Variants in FAAH2 observed in about 807,000 individuals in gnomAD.
The protein encoded by FAAH2 is fatty-acid amide hydrolase 2.
Under a neutral mutation model 36.9 loss-of-function variants are expected in FAAH2, and 60 were observed. That is an observed-to-expected ratio of 1.63 (90% CI 1.32 to 2.02). The LOEUF is 2.02. FAAH2 is among the 30% of genes most tolerant of loss of function. The pLI is 0.00. For missense variants in FAAH2, 689 were observed against 397.5 expected (o/e 1.73, Z -6.23); for synonymous variants, 214 against 143.8 (o/e 1.49, Z -3.49).
the FAAH2 span, among the ~76,000 whole-genome samples, chrX:57,206,730 A>G: frequency 8.9e-6 from 1 of 112,263 alleles, no homozygotes; most frequent in Non-Finnish European, 1.9e-5. Flanking sequence ...AATGACTATT[A>G]AAGGCCAATT....
intron 1 of FAAH2, 22 bp downstream of exon 1, chrX:57,287,039 G>C (rs776838962): frequency 1.8e-6 from 2 of 1,142,182 alleles, no homozygotes; most frequent in East Asian, 6.3e-5. Context: ...ATTCAGAAGA[G>C]GCTGGAGGGA....
chrX:57,263,385 C>T, the FAAH2 span, among the ~76,000 whole-genome samples: 1 of 111,409 alleles, frequency 9.0e-6, no homozygotes, highest in African/African-American at 3.2e-5. Flanking sequence ...GTAAATATAA[C>T]AAAACATGCA....
At chrX:57,214,068 CT>C in the FAAH2 span, among the ~76,000 whole-genome samples, 2 of 111,346 alleles carry the variant, frequency 1.8e-5, no homozygotes, top group African/African-American at 6.5e-5. Context: ...TGTTATTTGT[CT>C]TTTTTTACTG....
Position 57,287,009 on chromosome X carries a change from C to G in FAAH2, c.184C>G (p.Gln62Glu), listed in dbSNP as rs1218512743. The G allele has an allele frequency of 8.4e-7, 1 of 1,184,728 alleles. No individual in the cohort carries two copies. The highest frequency in any genetic ancestry group is 1.1e-6 in the Non-Finnish European group (1 of 880,124). ...SGMQLAKLIR[Q>E]RKVKCIDVVQ... is the part of the protein sequence containing the mutation. Reference sequence around the variant, plus strand: ...GATGCAGCTGGCCAAGCTGATCCGACAGAGAAAGGTGAGAATGCAATTCAG... The same window carrying G: ...GATGCAGCTGGCCAAGCTGATCCGAGAGAGAAAGGTGAGAATGCAATTCAG... The change falls in exon 1 of 11, where the codon CAG becomes GAG. Residue 62 changes from glutamine (Q) to glutamate (E), a missense_variant. Transcript: ENST00000374900.
chrX:57,437,880 T>C (rs1447906002), intron 8 of FAAH2, among the ~76,000 whole-genome samples: 1 of 103,444 alleles, frequency 9.7e-6, no homozygotes, highest in East Asian at 3.0e-4. Flanking sequence ...TGTATACATA[T>C]ATACATACGT....
intron 7 of FAAH2, among the ~76,000 whole-genome samples, chrX:57,423,720 C>T (rs2056092096): frequency 9.0e-6 from 1 of 111,361 alleles, no homozygotes; most frequent in South Asian, 3.8e-4. Context: ...CTTGTGCGTG[C>T]CATTGGGGAG....
chrX:57,381,440 T>A (rs983063133), intron 7 of FAAH2: 7 of 317,465 alleles, frequency 2.2e-5, no homozygotes, highest in Non-Finnish European at 2.9e-5. Flanking sequence ...CACAAATTTG[T>A]CTTTTTAAAA....
intron 2 of FAAH2, among the ~76,000 whole-genome samples, chrX:57,296,107 G>T (rs1038911453): frequency 8.9e-6 from 1 of 112,017 alleles, no homozygotes; most frequent in African/African-American, 3.2e-5. Context: ...GAGAGTAGTG[G>T]TTCTCCCAGC....
the FAAH2 span, among the ~76,000 whole-genome samples, chrX:57,249,330 A>C: frequency 8.9e-6 from 1 of 112,197 alleles, no homozygotes; most frequent in African/African-American, 3.2e-5. Flanking sequence ...ATGTGAAAAC[A>C]AAACCATTAA....
chrX:57,388,687 T>C (rs1386590832), intron 7 of FAAH2, among the ~76,000 whole-genome samples: 1 of 111,260 alleles, frequency 9.0e-6, no homozygotes, highest in Non-Finnish European at 1.9e-5. Flanking sequence ...CATAATGCCA[T>C]GTAACTATCA....
chrX:57,324,860 T>A (rs913973446), intron 3 of FAAH2, among the ~76,000 whole-genome samples: 3 of 111,829 alleles, frequency 2.7e-5, no homozygotes, highest in Admixed American at 1.9e-4. Flanking sequence ...GCCCTGGCCA[T>A]AACTTCCAAC....
chrX:57,441,643 T>G (rs1210068166), intron 8 of FAAH2, among the ~76,000 whole-genome samples: 1 of 110,704 alleles, frequency 9.0e-6, no homozygotes, highest in African/African-American at 3.3e-5. Flanking sequence ...TTTCTTGCAT[T>G]CTGTTAGCTT....
chrX:57,152,491 C>T, the FAAH2 span, among the ~76,000 whole-genome samples: 514 of 112,558 alleles, frequency 4.6e-3, 1 homozygote, highest in African/African-American at 0.015. Context: ...CCCCCAGCCT[C>T]GCTGCTGCCT....
At chrX:57,219,762 C>A in the FAAH2 span, among the ~76,000 whole-genome samples, 2 of 92,862 alleles carry the variant, frequency 2.2e-5, no homozygotes, top group Admixed American at 2.5e-4. Flanking sequence ...GGGAAACTCC[C>A]GGTCCTCTGT....
rs763763096 is a variant in FAAH2, at chrX:57,400,714, C to T, written c.996+19685C>T. ...CAGTGTAGGCTGAATGCATTTCTCA[C>T]TGAGGACCCTGGTGCCTTTGGATAA... On this transcript the variant is annotated intron_variant, in intron 7 of 10. Transcript: ENST00000374900. Among the ~76,000 whole-genome samples the T allele has an allele frequency of 4.1e-4, 46 of 112,582 alleles. 1 individual carries two copies. The South Asian group carries it at 0.016, about 40-fold the overall frequency.
At chrX:57,138,814 C>T in the FAAH2 span, among the ~76,000 whole-genome samples, 1 of 111,651 alleles carries the variant, frequency 9.0e-6, no homozygotes, top group Non-Finnish European at 1.9e-5. Context: ...TGATGATTAG[C>T]GATTTAGAAT....
In FAAH2 at chrX:57,349,235, A is replaced by G. The variant is rs886623334; in HGVS notation, c.742+7845A>G. ...TACATATATATGTGTATGTATGTATATATGTATGTATATCTGTGTGTATAT... is the reference window on the plus strand; with the variant it reads ...TACATATATATGTGTATGTATGTATGTATGTATGTATATCTGTGTGTATAT... On this transcript the variant is annotated intron_variant, in intron 5 of 10. Transcript: ENST00000374900. 4.2e-3 allele frequency among the ~76,000 whole-genome samples: 268 copies of G among 63,317 alleles called. 2 individuals are homozygous for G. Among genetic ancestry groups the G allele is most frequent in the African/African-American group, 0.01 (260 of 25,384 alleles). 55.0% of individuals were successfully genotyped at this position (63,317 alleles called of 115,157 possible).
chrX:57,136,929 C>CG, the FAAH2 span: 1 of 759,380 alleles, frequency 1.3e-6, no homozygotes, highest in Non-Finnish European at 1.8e-6. Flanking sequence ...CCCTGCAAAG[C>CG]GGCCTTGACC....
intron 2 of FAAH2, among the ~76,000 whole-genome samples, chrX:57,301,035 C>T (rs950600680): frequency 3.6e-5 from 4 of 110,360 alleles, no homozygotes; most frequent in African/African-American, 6.6e-5. Context: ...TAGTTCAACC[C>T]TTGTGGAAGT....
Sources: gnomAD v4.1 joint callset for allele counts (sites outside exome capture counted in the v4.1 genomes callset) on GRCh38, gnomAD v4.1.1 for gene constraint, MANE v1.5 for transcripts, NCBI Gene and HGNC (gene_info 2026-07-23, HGNC 2026-07-21) for gene names.